The following SYT16 variants were observed in gnomAD, a reference collection of about 807,000 sequenced individuals.
The protein encoded by SYT16 is synaptotagmin 16.
In SYT16, 42 loss-of-function variants were observed where a neutral mutation model predicts 61.4. The ratio of observed to expected loss-of-function variants is 0.68; its 90% CI spans 0.53 to 0.89. The LOEUF (loss-of-function observed/expected upper bound fraction) is 0.89. Ranked by LOEUF, SYT16 falls within the 40% of genes least tolerant of loss-of-function variation. The pLI is 0.00. For missense variants in SYT16, 804 were observed against 807.3 expected (o/e 1.00, Z 0.05); for synonymous variants, 314 against 302.3 (o/e 1.04, Z -0.40).
chr14:62,008,017 C>T (rs555001337), intron 3 of SYT16, among the ~76,000 whole-genome samples: 32 of 152,032 alleles, frequency 2.1e-4, no homozygotes, highest in Non-Finnish European at 3.8e-4. Flanking sequence ...CAGAGCTAGA[C>T]AGGAACTACA....
At chr14:61,842,948 A>T (rs1217308976) in intron 1 of SYT16, among the ~76,000 whole-genome samples, 4 of 152,286 alleles carry the variant, frequency 2.6e-5, no homozygotes, top group East Asian at 3.9e-4. Context: ...AGAAAAATTT[A>T]AAAAAGTATC....
intron 1 of SYT16, among the ~76,000 whole-genome samples, chr14:61,903,170 A>G (rs367681047): frequency 9.9e-5 from 15 of 152,268 alleles, no homozygotes; most frequent in African/African-American, 3.6e-4. Flanking sequence ...TCTTACTCCA[A>G]TATGACCTCA....
chr14:62,011,696 A>G (rs1053480298), intron 3 of SYT16, among the ~76,000 whole-genome samples: 7 of 152,030 alleles, frequency 4.6e-5, no homozygotes, highest in Admixed American at 3.3e-4. Flanking sequence ...AGAGGAGTCA[A>G]TGCCATTCAT....
At chr14:62,086,434 T>C (rs1050161329) in intron 7 of SYT16, among the ~76,000 whole-genome samples, 1 of 152,038 alleles carries the variant, frequency 6.6e-6, no homozygotes, top group African/African-American at 2.4e-5. Context: ...GAGCCAAGAT[T>C]GCACCACTGC....
chr14:61,958,480 T>C (rs919887793), intron 1 of SYT16, among the ~76,000 whole-genome samples: 2 of 152,048 alleles, frequency 1.3e-5, no homozygotes, highest in African/African-American at 4.8e-5. Context: ...TTTTGTGTCT[T>C]GATAAATATT....
intron 2 of SYT16, among the ~76,000 whole-genome samples, chr14:61,991,809 G>A (rs2052561389): frequency 6.6e-6 from 1 of 152,150 alleles, no homozygotes; most frequent in Admixed American, 6.5e-5. Context: ...ATGTTCTGTG[G>A]CACACAATGG....
chr14:62,078,335 G>A (rs946023920), intron 5 of SYT16, among the ~76,000 whole-genome samples: 38 of 152,106 alleles, frequency 2.5e-4, no homozygotes, highest in Admixed American at 1.2e-3. Flanking sequence ...GCCAGGGCAT[G>A]AGTCCTGGAT....
chr14:62,013,721 G>A (rs146393981), intron 3 of SYT16, among the ~76,000 whole-genome samples: 2 of 152,184 alleles, frequency 1.3e-5, no homozygotes, highest in African/African-American at 4.8e-5. Context: ...ATCCCAGAAC[G>A]TTGGGAGACC....
chr14:62,014,400 G>A (rs1313146518), intron 3 of SYT16, among the ~76,000 whole-genome samples: 1 of 151,742 alleles, frequency 6.6e-6, no homozygotes, highest in Non-Finnish European at 1.5e-5. Flanking sequence ...TGCTTATCTT[G>A]TATCTGTCCA....
At chr14:62,014,575 A>G (rs2053590130) in intron 3 of SYT16, among the ~76,000 whole-genome samples, 1 of 151,986 alleles carries the variant, frequency 6.6e-6, no homozygotes, top group Admixed American at 6.5e-5. Flanking sequence ...CTGGGATTAC[A>G]GGTGCCCACC....
chr14:61,891,520 C>T lies in SYT16; in HGVS notation c.-324-78612C>T, dbSNP rs748553408. On this transcript the variant is annotated intron_variant, in intron 1 of 7. Coordinates refer to ENST00000683842, the MANE Select transcript of SYT16 (RefSeq NM_001367656.1). ...CAAGATAATGAGCCTGAATAGCTGC[C>T]GCTGCAGCACTGAGAGGACAAGTAG... Among the ~76,000 whole-genome samples the T allele has an allele frequency of 1.6e-3, 251 of 152,266 alleles. 1 individual carries two copies. Among genetic ancestry groups the T allele is most frequent in the Non-Finnish European group, 3.2e-3 (220 of 68,022 alleles).
chr14:61,947,071 T>C (rs965451992), intron 1 of SYT16, among the ~76,000 whole-genome samples: 1 of 151,920 alleles, frequency 6.6e-6, no homozygotes, highest in Non-Finnish European at 1.5e-5. Flanking sequence ...TGGAGGTTCT[T>C]GGTTGGGAGG....
At chr14:61,914,970 G>A (rs1323574761) in intron 1 of SYT16, among the ~76,000 whole-genome samples, 1 of 152,092 alleles carries the variant, frequency 6.6e-6, no homozygotes, top group Non-Finnish European at 1.5e-5. Context: ...ATGATCTGGT[G>A]CGGCCTCATC....
chr14:62,036,072 G>C (rs1281837303), intron 3 of SYT16, among the ~76,000 whole-genome samples: 3 of 152,160 alleles, frequency 2.0e-5, no homozygotes, highest in African/African-American at 7.2e-5. Flanking sequence ...GAGAGCTTCA[G>C]ATTATTTTGG....
At chr14:62,005,726 A>G (rs531461880) in intron 3 of SYT16, among the ~76,000 whole-genome samples, 61 of 152,244 alleles carry the variant, frequency 4.0e-4, no homozygotes, top group Non-Finnish European at 7.4e-4. Flanking sequence ...GCCCCTTTTA[A>G]CCAATCAAAT....
At chr14:61,945,039 A>T (rs2050366713) in intron 1 of SYT16, among the ~76,000 whole-genome samples, 1 of 152,220 alleles carries the variant, frequency 6.6e-6, no homozygotes, top group South Asian at 2.1e-4. Context: ...ACAAATTTAC[A>T]AGAAAAAAAA....
At chr14:61,961,067 G>A (rs189488770) in intron 1 of SYT16, among the ~76,000 whole-genome samples, 1 of 152,160 alleles carries the variant, frequency 6.6e-6, no homozygotes, top group Non-Finnish European at 1.5e-5. Context: ...CTAGCCATGT[G>A]CAGGAAATTA....
chr14:61,958,950 T>G (rs2050998760), intron 1 of SYT16, among the ~76,000 whole-genome samples: 1 of 152,138 alleles, frequency 6.6e-6, no homozygotes, highest in African/African-American at 2.4e-5. Context: ...GCATATATAT[T>G]TTTAGTTGTG....
chr14:62,084,106 T>C, intron 6 of SYT16, 90 bp from the exon 7 acceptor site: 2 of 1,467,092 alleles, frequency 1.4e-6, no homozygotes, highest in South Asian at 1.3e-5. Context: ...GGGGATTGGG[T>C]CACAATTTCA....
Sources: allele counts gnomAD v4.1 joint callset (sites outside exome capture counted in the v4.1 genomes callset), GRCh38; gene constraint gnomAD v4.1.1; transcripts MANE v1.5; gene names NCBI Gene and HGNC (gene_info 2026-07-23, HGNC 2026-07-21).